The following MKKS variants were observed in gnomAD, a reference collection of about 807,000 sequenced individuals.
The protein encoded by MKKS is molecular chaperone MKKS.
MKKS carries 29 observed loss-of-function variants against 33.2 expected under a neutral mutation model. The observed-to-expected ratio is 0.87, with a 90% CI of 0.65 to 1.19. The LOEUF (loss-of-function observed/expected upper bound fraction) is 1.19. MKKS is among the 50% of genes most tolerant of loss of function. The pLI is 0.00. For synonymous variants in MKKS, 260 were observed against 244.0 expected, an observed-to-expected ratio of 1.07 and a Z score of -0.61; for missense variants, 661 against 662.3, an observed-to-expected ratio of 1.00 and a Z score of 0.02.
At chr20:10,430,038 CAAA>C (rs33986973) in intron 1 of MKKS, among the ~76,000 whole-genome samples, 1 of 151,890 alleles carries the variant, frequency 6.6e-6, no homozygotes, top group African/African-American at 2.4e-5. Context: ...AAACAAAAAA[CAAA>C]AAAACAAAAA....
At position 10,404,752 on chromosome 20, in the gene MKKS, G is replaced by A. The variant is rs6108548; in HGVS notation, c.*495C>T. ...ACTGAAGAATATAGCTTGAGATAAA[G>A]GGCATGGAGAAAAGTGAAATTTTAC... On this transcript the variant is annotated 3_prime_UTR_variant, in exon 6 of 6. Coordinates refer to ENST00000347364, the MANE Select transcript of MKKS (RefSeq NM_170784.3). 6.6e-6 allele frequency: 1 copy of A among 152,508 alleles called. No individual in the cohort carries two copies. The highest frequency in any genetic ancestry group is 1.5e-5 in the Non-Finnish European group (1 of 68,342). 9.4% of individuals were successfully genotyped at this position (152,508 alleles called of 1,614,324 possible). A position where few individuals can be genotyped will look rare whatever the true frequency, so the allele number is the denominator to read the frequency against.
intron 2 of MKKS, among the ~76,000 whole-genome samples, chr20:10,414,544 C>G (rs1393026948): frequency 6.6e-6 from 1 of 152,084 alleles, no homozygotes; most frequent in Non-Finnish European, 1.5e-5. Context: ...GGATTACAAG[C>G]GTGAGCCACT....
At chr20:10,422,157 T>C (rs1255896312) in intron 1 of MKKS, among the ~76,000 whole-genome samples, 1 of 152,174 alleles carries the variant, frequency 6.6e-6, no homozygotes, top group Non-Finnish European at 1.5e-5. Context: ...GCTATGAACA[T>C]GTTATTCTTA....
chr20:10,406,078 G>A (rs2064842037), intron 5 of MKKS, among the ~76,000 whole-genome samples: 1 of 152,088 alleles, frequency 6.6e-6, no homozygotes, highest in South Asian at 2.1e-4. Context: ...GTCCCAAATG[G>A]AGTACTTATT....
rs1048266606 is a variant in MKKS at position 10,420,773 on chromosome 20, C to G, written c.-648-15G>C. The G allele has an allele frequency of 2.6e-5, 4 of 152,180 alleles. No individual in the cohort carries two copies. The highest frequency in any genetic ancestry group is 6.5e-5 in the Admixed American group (1 of 15,276). The allele number at this position is 152,180 out of a possible 1,614,324, so 9.4% of individuals were successfully genotyped here. ...CATCAGTGTACCTAAGAAAAGGTTA[C>G]AGTTAGAGGAAAAAAACCACTAAAA... On this transcript the variant is annotated splice_polypyrimidine_tract_variant and intron_variant, in intron 1 of 5. Transcript: ENST00000347364.
Position 10,412,990 on chromosome 20 carries a change from A to G in MKKS, c.525T>C (p.Ser175=), listed in dbSNP as rs745771800. ...GCAAAAAGGCTCTCAGGATCAAAGC[A>G]CTGACATGCTCTGTTTCCTTTCTGG... ...MLTRKETEHV[S]ALILRAFLLT... is the part of the protein sequence containing the mutation. Residue 175 remains serine (S), a synonymous_variant, in exon 3 of 6, where the codon AGT becomes AGC. Transcript: ENST00000347364. 2.2e-5 allele frequency: 36 copies of G among 1,614,008 alleles called. No homozygotes were observed. The highest frequency in any genetic ancestry group is 2.6e-5 in the Non-Finnish European group (31 of 1,180,054).
chr20:10,423,141 TAA>T (rs927592963), intron 1 of MKKS, among the ~76,000 whole-genome samples: 13 of 152,202 alleles, frequency 8.5e-5, no homozygotes, highest in African/African-American at 3.1e-4. Context: ...CCCTAGCTTA[TAA>T]AAAGAGATTA....
Position 10,431,258 on chromosome 20 carries a change from G to A in MKKS, c.-649+2850C>T, listed in dbSNP as rs536592580. Among the ~76,000 whole-genome samples, 53 of 152,222 alleles carry A rather than the reference G, an allele frequency of 3.5e-4. 1 individual carries two copies. In the South Asian group the frequency reaches 8.7e-3, roughly 25 times the overall value. The stretch of plus-strand genomic sequence containing the variant: ...AAAATTGGGTTCCAACTTATAAGGT[G>A]AGGAAATACTGTAAAGACAAATCCA... On this transcript the variant is annotated intron_variant, in intron 1 of 5. Transcript: ENST00000347364.
intron 1 of MKKS, among the ~76,000 whole-genome samples, chr20:10,432,740 G>A (rs1056101052): frequency 7.4e-6 from 1 of 135,108 alleles, no homozygotes; most frequent in African/African-American, 2.7e-5. Context: ...AGGTTGCACA[G>A]TGAGCAGAGA....
chr20:10,431,433 G>C (rs552201070), intron 1 of MKKS, among the ~76,000 whole-genome samples: 1 of 152,092 alleles, frequency 6.6e-6, no homozygotes, highest in African/African-American at 2.4e-5. Context: ...ACCAAGAAGA[G>C]TAAGGCATGA....
chr20:10,405,216 G>A lies in MKKS; in HGVS notation c.*31C>T. 1.3e-6 allele frequency: 2 copies of A among 1,547,152 alleles called. No individual in the cohort carries two copies. Among genetic ancestry groups the A allele is most frequent in the Non-Finnish European group, 1.8e-6 (2 of 1,134,170 alleles). ...CAATTGCCAACAGACTAGTTTATTT[G>A]TTTCTCTTGTAATACGAACATGCTA... is the stretch of plus-strand genomic sequence containing the variant. On this transcript the variant is annotated 3_prime_UTR_variant, in exon 6 of 6. Transcript: ENST00000347364.
Position 10,413,095 on chromosome 20 carries a change from G to A in MKKS, c.420C>T (p.Ile140=), listed in dbSNP as rs928976880. ...TCTGAGTACTACTAAAGTCCACTGGGATTCGACAACCACAGGTCTCAGACT... is the reference window on the plus strand; with the variant it reads ...TCTGAGTACTACTAAAGTCCACTGGAATTCGACAACCACAGGTCTCAGACT... ...YLKSETCGCR[I]PVDFSSTQIL... Residue 140 remains isoleucine, a synonymous_variant, in exon 3 of 6, where the codon ATC becomes ATT. Coordinates refer to ENST00000347364, the MANE Select transcript of MKKS (RefSeq NM_170784.3). 1 of 1,613,964 alleles carries A rather than the reference G, an allele frequency of 6.2e-7. No homozygotes were observed.
In MKKS at chr20:10,412,913, A is replaced by G. The variant is rs1191155721; in HGVS notation, c.602T>C (p.Ile201Thr). 1 of 1,613,718 alleles carries G rather than the reference A, an allele frequency of 6.2e-7. No individual in the cohort carries two copies. Among genetic ancestry groups the G allele is most frequent in the Non-Finnish European group, 8.5e-7 (1 of 1,179,826 alleles). The change falls in exon 3 of 6, where the codon ATT becomes ACT. Residue 201 changes from isoleucine (I) to threonine (T), a missense_variant. Coordinates refer to ENST00000347364, the MANE Select transcript of MKKS (RefSeq NM_170784.3). ...AACTCTTTGACCTTTTAAAGGTACAATTAAACTCTTTCCTAAAATGATGTG... is the reference window on the plus strand; with the variant it reads ...AACTCTTTGACCTTTTAAAGGTACAGTTAAACTCTTTCCTAAAATGATGTG... Reference protein sequence around the residue: ...EGHIILGKSLIVPLKGQRVID... With the variant: ...EGHIILGKSLTVPLKGQRVID...
rs74842797 is a variant in MKKS at position 10,422,726 on chromosome 20, T to G, written c.-648-1968A>C. On this transcript the variant is annotated intron_variant, in intron 1 of 5. Transcript: ENST00000347364. ...AAGTTATATTATCTTTTTTTTTTTT[T>G]TGTGAGACAGAGTCTTGCTCTGTCA... Among the ~76,000 whole-genome samples the G allele has an allele frequency of 1.5e-3, 230 of 151,926 alleles. 1 individual carries two copies. Among genetic ancestry groups the G allele is most frequent in the African/African-American group, 5.3e-3 (218 of 41,422 alleles).
intron 1 of MKKS, among the ~76,000 whole-genome samples, chr20:10,428,665 C>T (rs958459676): frequency 2.0e-5 from 3 of 152,062 alleles, no homozygotes; most frequent in Non-Finnish European, 4.4e-5. Flanking sequence ...ATGGTGAAAC[C>T]CCATTTCTAC....
rs35072167 is a variant in MKKS at position 10,409,198 on chromosome 20, ATT to A, written c.986-397_986-396del. Reference sequence around the variant, plus strand: ...TGGATTACGGGTGATGTGACAGGCTATTTTTTTTTAAAGGCATTATTATTTTC... The same window carrying A: ...TGGATTACGGGTGATGTGACAGGCTATTTTTTTAAAGGCATTATTATTTTC... On this transcript the variant is annotated intron_variant, in intron 3 of 5. Transcript: ENST00000347364. 2.6e-5 allele frequency among the ~76,000 whole-genome samples: 4 copies of A among 151,324 alleles called. No homozygotes were observed. In the East Asian group the frequency reaches 5.8e-4, roughly 22 times the overall value.
chr20:10,415,714 T>C (rs1012325613), intron 2 of MKKS, among the ~76,000 whole-genome samples: 1 of 152,210 alleles, frequency 6.6e-6, no homozygotes, highest in African/African-American at 2.4e-5. Flanking sequence ...CAATAAAAAC[T>C]ATGATTAAGA....
rs1056208461 is a variant in MKKS, at chr20:10,401,061, T to C, written c.*4186A>G. The C allele has an allele frequency of 1.3e-5, 2 of 152,132 alleles. No individual in the cohort carries two copies. Among genetic ancestry groups the C allele is most frequent in the African/African-American group, 4.8e-5 (2 of 41,432 alleles). 9.4% of individuals were successfully genotyped at this position (152,132 alleles called of 1,614,324 possible). A position where few individuals can be genotyped will look rare whatever the true frequency, so the allele number is the denominator to read the frequency against. On this transcript the variant is annotated 3_prime_UTR_variant, in exon 6 of 6. Transcript: ENST00000347364. ...TATAAGTATTTTCTCAAAGAGAATT[T>C]TTAATAGGAGATTGTCAAGCTGTTT...
intron 5 of MKKS, 131 bp from the exon 6 acceptor site, chr20:10,405,818 C>T (rs1381470736): frequency 2.1e-6 from 2 of 967,316 alleles, no homozygotes; most frequent in Non-Finnish European, 3.1e-6. Flanking sequence ...TGGGGTCTGG[C>T]ACAATGCTAA....
Sources: allele counts gnomAD v4.1 joint callset (sites outside exome capture counted in the v4.1 genomes callset), GRCh38; gene constraint gnomAD v4.1.1; transcripts MANE v1.5; gene names NCBI Gene and HGNC (gene_info 2026-07-23, HGNC 2026-07-21).